GRM7: variants seen among roughly 807,000 people sequenced by gnomAD.
GRM7 encodes the protein metabotropic glutamate receptor 7.
In GRM7, 35 loss-of-function variants were observed where a neutral mutation model predicts 84.5. That is an observed-to-expected ratio of 0.41 (90% CI 0.32 to 0.55). GRM7 has a LOEUF of 0.55. Among genes scored for constraint, GRM7 ranks in the 20% least tolerant of loss-of-function variants. The pLI, the probability that GRM7 is intolerant of heterozygous loss-of-function variation, is 0.19. For synonymous variants in GRM7, 487 were observed against 455.1 expected (o/e 1.07, Z -0.89); for missense variants, 1,003 against 1,194.6 (o/e 0.84, Z 2.36).
intron 4 of GRM7, among the ~76,000 whole-genome samples, chr3:7,394,265 C>T (rs534317516): frequency 1.3e-5 from 2 of 152,314 alleles, no homozygotes; most frequent in South Asian, 2.1e-4. Flanking sequence ...AATCCACCTA[C>T]TCAGATATCT....
chr3:7,634,497 A>AAAAC (rs1697988467), intron 8 of GRM7, among the ~76,000 whole-genome samples: 1 of 92,392 alleles, frequency 1.1e-5, no homozygotes, highest in Non-Finnish European at 2.5e-5. Flanking sequence ...AAAAAAAAAA[A>AAAAC]AAAAAGGGCT....
At chr3:7,320,949 T>A (rs78424656) in intron 4 of GRM7, among the ~76,000 whole-genome samples, 13,842 of 152,048 alleles carry the variant, frequency 0.091, 856 homozygotes, top group Non-Finnish European at 0.14. Context: ...CCTGTCTTTT[T>A]GAAGAAGATG....
intron 2 of GRM7, among the ~76,000 whole-genome samples, chr3:7,292,292 T>G (rs1033673582): frequency 6.6e-6 from 1 of 152,218 alleles, no homozygotes; most frequent in Non-Finnish European, 1.5e-5. Context: ...AAACCTTTGA[T>G]GATTCCTCTA....
intron 7 of GRM7, among the ~76,000 whole-genome samples, chr3:7,517,038 T>C (rs1700417384): frequency 6.6e-6 from 1 of 152,120 alleles, no homozygotes; most frequent in Non-Finnish European, 1.5e-5. Context: ...CAAATACTCT[T>C]TTCACAAGCA....
At chr3:7,003,812 T>C (rs1695091504) in intron 1 of GRM7, among the ~76,000 whole-genome samples, 1 of 152,228 alleles carries the variant, frequency 6.6e-6, no homozygotes, top group Non-Finnish European at 1.5e-5. Flanking sequence ...ACTTATTTCA[T>C]ATACTTTGTT....
At chr3:7,609,457 C>G (rs535862947) in intron 8 of GRM7, among the ~76,000 whole-genome samples, 6 of 152,180 alleles carry the variant, frequency 3.9e-5, no homozygotes, top group Admixed American at 1.3e-4. Context: ...TATTCTTGAA[C>G]AGGGCAGAGT....
chr3:7,465,776 G>C (rs779716), intron 7 of GRM7, among the ~76,000 whole-genome samples: 3 of 151,976 alleles, frequency 2.0e-5, no homozygotes, highest in African/African-American at 7.3e-5. Flanking sequence ...GTCAGTAATT[G>C]CAAATGAATT....
chr3:7,740,421 T>C lies in GRM7; in HGVS notation c.*15T>C, dbSNP rs1024866190. ...TGGTTATCTAACCTGTTCCATTCCA[T>C]GGAACCATGGAGGAGGAAGACCCTC... On this transcript the variant is annotated 3_prime_UTR_variant, in exon 10 of 10. Transcript: ENST00000357716. 3 of 1,456,864 alleles carry C rather than the reference T, an allele frequency of 2.1e-6. No individual in the cohort carries two copies. The highest frequency in any genetic ancestry group is 2.8e-6 in the Non-Finnish European group (3 of 1,056,298). The allele number at this position is 1,456,864 out of a possible 1,614,324, so 90.2% of individuals were successfully genotyped here. A position where few individuals can be genotyped will look rare whatever the true frequency, so the allele number is the denominator to read the frequency against.
chr3:7,282,405 G>C (rs187162235), intron 2 of GRM7, among the ~76,000 whole-genome samples: 2 of 152,040 alleles, frequency 1.3e-5, no homozygotes, highest in Non-Finnish European at 2.9e-5. Context: ...CATGGCTCTC[G>C]CCTATCCACA....
chr3:7,424,462 A>T (rs1190910138), intron 5 of GRM7, among the ~76,000 whole-genome samples: 1 of 152,124 alleles, frequency 6.6e-6, no homozygotes, highest in South Asian at 2.1e-4. Flanking sequence ...TGTTTACGTT[A>T]TTCTAGTTGA....
chr3:7,691,326 T>G (rs1700792930), intron 9 of GRM7: 5 of 1,167,536 alleles, frequency 4.3e-6, no homozygotes, highest in Non-Finnish European at 5.6e-6. Flanking sequence ...AACTCCATTT[T>G]CTGTAAGTGT....
At chr3:7,616,007 T>TTAATTTTATTCAGGTTTC in intron 8 of GRM7, among the ~76,000 whole-genome samples, 1 of 152,220 alleles carries the variant, frequency 6.6e-6, no homozygotes, top group Middle Eastern at 3.4e-3. Context: ...TGATATATTT[T>TTAATTTTATTCAGGTTTC]TAATTTTATT....
chr3:7,389,565 T>C (rs554772013), intron 4 of GRM7, among the ~76,000 whole-genome samples: 70 of 152,254 alleles, frequency 4.6e-4, no homozygotes, highest in Admixed American at 7.8e-4. Flanking sequence ...TGTGTACATT[T>C]TGGATAGTTA....
At chr3:7,220,720 A>T (rs901409037) in intron 2 of GRM7, among the ~76,000 whole-genome samples, 1 of 152,216 alleles carries the variant, frequency 6.6e-6, no homozygotes, top group Admixed American at 6.5e-5. Context: ...ATAGTAGGGG[A>T]GACTGGGTGG....
intron 1 of GRM7, among the ~76,000 whole-genome samples, chr3:7,123,919 T>C (rs1693309272): frequency 1.3e-5 from 2 of 152,242 alleles, no homozygotes; most frequent in Non-Finnish European, 2.9e-5. Context: ...ATTTTGAATA[T>C]ACAACAATAT....
intron 8 of GRM7, among the ~76,000 whole-genome samples, chr3:7,633,663 A>AT (rs1376368533): frequency 6.6e-6 from 1 of 152,096 alleles, no homozygotes; most frequent in African/African-American, 2.4e-5. Context: ...AAATGGTTCC[A>AT]TTTTGTCTGC....
intron 1 of GRM7, among the ~76,000 whole-genome samples, chr3:7,140,438 G>A (rs1412787363): frequency 6.6e-6 from 1 of 151,936 alleles, no homozygotes; most frequent in East Asian, 1.9e-4. Flanking sequence ...TGTAGCACAG[G>A]GCTTACGAGT....
intron 4 of GRM7, among the ~76,000 whole-genome samples, chr3:7,360,079 C>G (rs1388961015): frequency 1.4e-5 from 2 of 147,082 alleles, no homozygotes; most frequent in African/African-American, 5.2e-5. Flanking sequence ...CCTGAAATAT[C>G]AAATTTGCAA....
chr3:7,072,835 A>T (rs1410605475), intron 1 of GRM7, among the ~76,000 whole-genome samples: 1 of 152,204 alleles, frequency 6.6e-6, no homozygotes, highest in Non-Finnish European at 1.5e-5. Context: ...TTGCTGTAGG[A>T]TTTTAAAATA....
Sources: allele counts gnomAD v4.1 joint callset (sites outside exome capture counted in the v4.1 genomes callset), GRCh38; gene constraint gnomAD v4.1.1; transcripts MANE v1.5; gene names NCBI Gene and HGNC (gene_info 2026-07-23, HGNC 2026-07-21).